Variants in DOK6 observed in about 807,000 individuals in gnomAD.
DOK6 encodes docking protein 6.
In DOK6, 22 loss-of-function variants were observed where a neutral mutation model predicts 44.0. That is an observed-to-expected ratio of 0.50 (90% confidence interval 0.36 to 0.71). The LOEUF (loss-of-function observed/expected upper bound fraction) is 0.71, where lower values mean the gene tolerates loss of function less well. Ranked by LOEUF, DOK6 falls within the 30% of genes least tolerant of loss-of-function variation. DOK6 has a pLI of 0.00. For synonymous variants in DOK6, 166 were observed against 145.5 expected (o/e 1.14, Z -1.01); for missense variants, 340 against 416.4 (o/e 0.82, Z 1.60).
At chr18:69,686,570 G>A (rs1279843158) in intron 4 of DOK6, among the ~76,000 whole-genome samples, 1 of 152,076 alleles carries the variant, frequency 6.6e-6, no homozygotes, top group African/African-American at 2.4e-5. Context: ...GGGGGATCTA[G>A]GGGAGGAAGA....
intron 1 of DOK6, among the ~76,000 whole-genome samples, chr18:69,401,754 G>A (rs1408464570): frequency 2.0e-5 from 3 of 152,050 alleles, no homozygotes; most frequent in Non-Finnish European, 2.9e-5. Context: ...AGCTCAATTC[G>A]AAATTCCCGT....
intron 3 of DOK6, among the ~76,000 whole-genome samples, chr18:69,609,917 C>T (rs1984097413): frequency 6.6e-6 from 1 of 152,024 alleles, no homozygotes; most frequent in South Asian, 2.1e-4. Context: ...GTGAAATAAG[C>T]CAGTCACAAA....
At position 69,442,153 on chromosome 18, in the gene DOK6, T is replaced by A. The variant is rs193280413; in HGVS notation, c.66+40843T>A. 1.5e-3 allele frequency among the ~76,000 whole-genome samples: 230 copies of A among 152,130 alleles called. 2 individuals are homozygous for A. The highest frequency in any genetic ancestry group is 5.1e-3 in the African/African-American group (213 of 41,538). ...ATGTTGTTTTTTACTTGCTTAATTC[T>A]CTCTTCTAAAAATAGGATCAATTTG... On this transcript the variant is annotated intron_variant, in intron 1 of 7. Coordinates refer to ENST00000382713, the MANE Select transcript of DOK6 (RefSeq NM_152721.6).
At chr18:69,513,912 A>T (rs1283218214) in intron 1 of DOK6, among the ~76,000 whole-genome samples, 1 of 152,208 alleles carries the variant, frequency 6.6e-6, no homozygotes, top group Non-Finnish European at 1.5e-5. Flanking sequence ...TTGTCAGATT[A>T]AAATTTAATA....
chr18:69,751,824 T>TCC (rs1397883389), intron 6 of DOK6, among the ~76,000 whole-genome samples: 3 of 151,796 alleles, frequency 2.0e-5, no homozygotes, highest in Admixed American at 1.3e-4. Flanking sequence ...GGCAACATAA[T>TCC]GAGATCTCGT....
intron 6 of DOK6, among the ~76,000 whole-genome samples, chr18:69,751,217 T>A (rs1046582519): frequency 1.3e-5 from 2 of 152,202 alleles, no homozygotes; most frequent in East Asian, 1.9e-4. Flanking sequence ...TAATGCTGTA[T>A]TGTACATTTC....
At chr18:69,695,635 C>T (rs1986372154) in intron 4 of DOK6, among the ~76,000 whole-genome samples, 1 of 152,088 alleles carries the variant, frequency 6.6e-6, no homozygotes, top group Non-Finnish European at 1.5e-5. Flanking sequence ...TAACGGAATT[C>T]GGTTAAGTAT....
intron 5 of DOK6, among the ~76,000 whole-genome samples, chr18:69,705,937 C>G (rs749983272): frequency 1.3e-5 from 2 of 151,822 alleles, no homozygotes; most frequent in Non-Finnish European, 2.9e-5. Flanking sequence ...AAAAAACACT[C>G]CATTATTTCT....
chr18:69,512,849 A>G (rs1981412110), intron 1 of DOK6, among the ~76,000 whole-genome samples: 1 of 152,210 alleles, frequency 6.6e-6, no homozygotes, highest in Non-Finnish European at 1.5e-5. Flanking sequence ...CTCCCTTAAA[A>G]AATGGTTATA....
At chr18:69,821,188 A>G (rs960963973) in intron 7 of DOK6, among the ~76,000 whole-genome samples, 20 of 152,314 alleles carry the variant, frequency 1.3e-4, no homozygotes, top group African/African-American at 3.4e-4. Flanking sequence ...AGAAAAGTCA[A>G]TAATTGAAAG....
At chr18:69,744,842 C>T (rs939835266) in intron 6 of DOK6, among the ~76,000 whole-genome samples, 1 of 146,404 alleles carries the variant, frequency 6.8e-6, no homozygotes, top group Non-Finnish European at 1.5e-5. Context: ...AGGAGACTCA[C>T]TTGAACCTGG....
intron 1 of DOK6, among the ~76,000 whole-genome samples, chr18:69,429,993 C>T (rs1055306198): frequency 6.6e-6 from 1 of 152,018 alleles, no homozygotes; most frequent in Non-Finnish European, 1.5e-5. Context: ...TAAAAACAAT[C>T]TCAGTGCATA....
intron 5 of DOK6, among the ~76,000 whole-genome samples, chr18:69,701,929 C>A (rs938538971): frequency 1.3e-5 from 2 of 152,028 alleles, no homozygotes; most frequent in African/African-American, 4.8e-5. Context: ...AGAATCTTTT[C>A]TCTAATGCAT....
chr18:69,635,422 G>A (rs1208911642), intron 3 of DOK6, among the ~76,000 whole-genome samples: 2 of 152,032 alleles, frequency 1.3e-5, no homozygotes, highest in Non-Finnish European at 2.9e-5. Flanking sequence ...TTTCTTACCT[G>A]TCCCTTAGTG....
chr18:69,512,100 AC>A lies in DOK6; in HGVS notation c.67-52386del, dbSNP rs564972929. ...CCCATCCCCCCACACGCACCCCCCC[AC>A]ACACAATCTTTAGGTTTAAAATATA... On this transcript the variant is annotated intron_variant, in intron 1 of 7. Transcript: ENST00000382713. 8.0e-5 allele frequency among the ~76,000 whole-genome samples: 9 copies of A among 112,576 alleles called. No individual in the cohort carries two copies. In the South Asian group the frequency reaches 3.3e-3, roughly 41 times the overall value. The allele number at this position is 112,576 out of a possible 152,430, so 73.9% of individuals were successfully genotyped here.
At chr18:69,723,725 C>T (rs17081544) in intron 5 of DOK6, among the ~76,000 whole-genome samples, 8,497 of 152,238 alleles carry the variant, frequency 0.056, 279 homozygotes, top group African/African-American at 0.089. Context: ...CAGTGCCTGA[C>T]GATGTTCAAA....
At chr18:69,558,551 A>G (rs578181317) in intron 1 of DOK6, among the ~76,000 whole-genome samples, 12 of 152,292 alleles carry the variant, frequency 7.9e-5, no homozygotes, top group African/African-American at 2.9e-4. Context: ...AGCCATGGTG[A>G]ATTCATATTT....
At chr18:69,646,693 T>G (rs1430399038) in intron 3 of DOK6, among the ~76,000 whole-genome samples, 1 of 152,132 alleles carries the variant, frequency 6.6e-6, no homozygotes, top group African/African-American at 2.4e-5. Flanking sequence ...TTCCTTTTCC[T>G]TTACCACCAA....
chr18:69,545,449 C>T (rs1309066324), intron 1 of DOK6, among the ~76,000 whole-genome samples: 1 of 149,146 alleles, frequency 6.7e-6, no homozygotes, highest in Non-Finnish European at 1.5e-5. Flanking sequence ...TGTATTTTCT[C>T]CTGGTATTTC....
Sources: allele counts gnomAD v4.1 joint callset (sites outside exome capture counted in the v4.1 genomes callset), GRCh38; gene constraint gnomAD v4.1.1; transcripts MANE v1.5; gene names NCBI Gene and HGNC (gene_info 2026-07-23, HGNC 2026-07-21).